Variants in CDC42EP4 observed in about 807,000 individuals in gnomAD.
CDC42EP4 encodes the protein CDC42 effector protein (Rho GTPase binding) 4.
Under a neutral mutation model 5.6 loss-of-function variants are expected in CDC42EP4, and 6 were observed. The ratio of observed to expected loss-of-function variants is 1.07; its 90% CI spans 0.59 to 2.12. The LOEUF is 2.12. Among genes scored for constraint, CDC42EP4 ranks in the 30% most tolerant of loss-of-function variants. CDC42EP4 has a pLI of 0.00. For missense variants in CDC42EP4, 490 were observed against 508.6 expected (o/e 0.96, Z 0.35); for synonymous variants, 230 against 224.2 (o/e 1.03, Z -0.23).
At position 73,290,819 on chromosome 17, in the gene CDC42EP4, TGTCAG is replaced by T. The variant is rs2145310638; in HGVS notation, c.-112-4212_-112-4208del. On this transcript the variant is annotated intron_variant, in intron 1 of 1. Coordinates refer to ENST00000335793, the MANE Select transcript of CDC42EP4 (RefSeq NM_012121.5). ...AGGAACCCCCAGACCCTGTGAGTGA[TGTCAG>T]GTCCTGTGGTTTCCCGATCTTATAC... Among the ~76,000 whole-genome samples the T allele has an allele frequency of 2.6e-5, 4 of 152,238 alleles. No individual in the cohort carries two copies. The East Asian group carries it at 7.7e-4, about 29-fold the overall frequency.
intron 1 of CDC42EP4, among the ~76,000 whole-genome samples, chr17:73,296,015 A>G (rs2062182683): frequency 6.6e-6 from 1 of 151,970 alleles, no homozygotes. Flanking sequence ...ACCTCCTAGA[A>G]CTTAACCCTG....
At chr17:73,292,612 G>A (rs2062166753) in intron 1 of CDC42EP4, among the ~76,000 whole-genome samples, 1 of 152,198 alleles carries the variant, frequency 6.6e-6, no homozygotes, top group African/African-American at 2.4e-5. Context: ...TGGGAGTCAG[G>A]GGGTCTGGGG....
At chr17:73,289,223 C>T (rs1160904386) in intron 1 of CDC42EP4, among the ~76,000 whole-genome samples, 1 of 152,122 alleles carries the variant, frequency 6.6e-6, no homozygotes, top group Non-Finnish European at 1.5e-5. Context: ...GTTGGCCGGG[C>T]ACAGTGGGTC....
At chr17:73,310,783 ACACACACACACG>A (rs2062270119) in intron 1 of CDC42EP4, 1 of 133,638 alleles carries the variant, frequency 7.5e-6, no homozygotes, top group Non-Finnish European at 1.6e-5. Context: ...ACACACACAC[ACACACACACACG>A]CACTTCAGTC....
At chr17:73,309,221 G>C (rs369692681) in intron 1 of CDC42EP4, among the ~76,000 whole-genome samples, 1 of 151,726 alleles carries the variant, frequency 6.6e-6, no homozygotes, top group Non-Finnish European at 1.5e-5. Flanking sequence ...GGTGGTGGGC[G>C]CCAGTAGTCC....
Position 73,285,462 on chromosome 17 carries a change from C to T in CDC42EP4, c.1039G>A (p.Asp347Asn). The change falls in exon 2 of 2, where the codon GAT (aspartate) becomes AAT (asparagine). Residue 347 changes from aspartate (D) to asparagine (N), a missense_variant. Asp to Asn is a conservative substitution (Grantham distance 23). Transcript: ENST00000335793. This position sits in a 1 kb window ranked among gnomAD's most constrained non-coding sequence, Gnocchi z 6.8. ...CGGATTTCATCCTCCTCCTCCTCAT[C>T]CATGAAGGAGAACTCCTTGTCTGGC... is the stretch of plus-strand genomic sequence containing the variant. ...RQPDKEFSFM[D>N]EEEEDEIRV 1.3e-6 allele frequency: 2 copies of T among 1,571,450 alleles called. No homozygotes were observed. Among genetic ancestry groups the T allele is most frequent in the Non-Finnish European group, 1.7e-6 (2 of 1,153,604 alleles).
intron 1 of CDC42EP4, among the ~76,000 whole-genome samples, chr17:73,288,859 C>T (rs2062146752): frequency 6.6e-6 from 1 of 152,226 alleles, no homozygotes; most frequent in Non-Finnish European, 1.5e-5. Flanking sequence ...TTCCAGCAAA[C>T]ACAAAGTTCT....
chr17:73,299,721 A>G (rs1270647635), intron 1 of CDC42EP4, among the ~76,000 whole-genome samples: 1 of 152,074 alleles, frequency 6.6e-6, no homozygotes, highest in Non-Finnish European at 1.5e-5. Flanking sequence ...GCAGCTGAGG[A>G]TGTACATGTG....
intron 1 of CDC42EP4, among the ~76,000 whole-genome samples, chr17:73,308,367 C>T (rs71380169): frequency 0.15 from 23,409 of 152,170 alleles, 1,907 homozygotes; most frequent in Non-Finnish European, 0.18. Context: ...CTTCTCCCTC[C>T]GCCCACAGGC....
chr17:73,296,849 G>C (rs1011845724), intron 1 of CDC42EP4, among the ~76,000 whole-genome samples: 4 of 149,072 alleles, frequency 2.7e-5, no homozygotes, highest in Admixed American at 6.7e-5. Context: ...GGCGCGGTGA[G>C]GGGGGCCTGT....
Position 73,283,899 on chromosome 17 carries a change from C to T in CDC42EP4, c.*1531G>A, listed in dbSNP as rs1339296721. On this transcript the variant is annotated 3_prime_UTR_variant, in exon 2 of 2. Coordinates refer to ENST00000335793, the MANE Select transcript of CDC42EP4 (RefSeq NM_012121.5). ...CCGGGCCACAGTCGCCATGGGGACG[C>T]CCCTGGCTGTGGTTGGTTCTGTGTC... 1.3e-5 allele frequency: 2 copies of T among 152,268 alleles called. No individual in the cohort carries two copies. The highest frequency in any genetic ancestry group is 2.9e-5 in the Non-Finnish European group (2 of 68,152). The allele number at this position is 152,268 out of a possible 1,614,324, so 9.4% of individuals were successfully genotyped here.
intron 1 of CDC42EP4, among the ~76,000 whole-genome samples, chr17:73,306,206 C>T (rs1451320506): frequency 1.3e-5 from 2 of 151,960 alleles, no homozygotes; most frequent in African/African-American, 4.8e-5. Context: ...AAATAATGCA[C>T]AGGCCAGGCA....
intron 1 of CDC42EP4, among the ~76,000 whole-genome samples, chr17:73,297,015 C>T (rs1196281251): frequency 9.6e-6 from 1 of 104,480 alleles, no homozygotes; most frequent in African/African-American, 3.4e-5. Flanking sequence ...TACACAAGGC[C>T]AAGCGCCGTG....
chr17:73,299,394 C>T (rs78296301), intron 1 of CDC42EP4, among the ~76,000 whole-genome samples: 86,814 of 147,554 alleles, frequency 0.59, 25,831 homozygotes, highest in East Asian at 0.75. Context: ...CATGCCACTG[C>T]ACTCCAGCCT....
intron 1 of CDC42EP4, among the ~76,000 whole-genome samples, chr17:73,297,840 G>T (rs2062196636): frequency 1.3e-5 from 2 of 151,720 alleles, no homozygotes; most frequent in South Asian, 4.2e-4. Context: ...TATATTTTCA[G>T]TAAAGACGGG....
At chr17:73,288,238 C>T (rs933035498) in intron 1 of CDC42EP4, among the ~76,000 whole-genome samples, 11 of 152,068 alleles carry the variant, frequency 7.2e-5, no homozygotes, top group Non-Finnish European at 7.4e-5. Context: ...CTTCCCACTG[C>T]AGTACAAACT....
intron 1 of CDC42EP4, among the ~76,000 whole-genome samples, chr17:73,305,139 C>G (rs927015395): frequency 2.6e-5 from 4 of 152,190 alleles, no homozygotes; most frequent in Admixed American, 6.5e-5. Flanking sequence ...ACGGAGGAGT[C>G]AAGACGAAGA....
rs2062116823 is a variant in CDC42EP4, at chr17:73,284,139, C to T, written c.*1291G>A. On this transcript the variant is annotated 3_prime_UTR_variant, in exon 2 of 2. Coordinates refer to ENST00000335793, the MANE Select transcript of CDC42EP4 (RefSeq NM_012121.5). Reference sequence around the variant, plus strand: ...AAATATTGCGTGGGGCATATTAATGCTAGAAAATTATCTTTTGTTTACCTG... The same window carrying T: ...AAATATTGCGTGGGGCATATTAATGTTAGAAAATTATCTTTTGTTTACCTG... 6.6e-6 allele frequency: 1 copy of T among 152,144 alleles called. No individual in the cohort carries two copies. Among genetic ancestry groups the T allele is most frequent in the Non-Finnish European group, 1.5e-5 (1 of 68,032 alleles). The allele number at this position is 152,144 out of a possible 1,614,324, so 9.4% of individuals were successfully genotyped here. A position where few individuals can be genotyped will look rare whatever the true frequency, so the allele number is the denominator to read the frequency against.
intron 1 of CDC42EP4, among the ~76,000 whole-genome samples, chr17:73,300,160 T>C (rs923302040): frequency 6.6e-6 from 1 of 152,168 alleles, no homozygotes; most frequent in African/African-American, 2.4e-5. Flanking sequence ...GCCAGGATCA[T>C]TGATGCAAAG....
Sources: gnomAD v4.1 joint callset for allele counts (sites outside exome capture counted in the v4.1 genomes callset) on GRCh38, gnomAD v4.1.1 for gene constraint, Gnocchi (gnomAD v3.1) non-coding constraint, MANE v1.5 for transcripts, NCBI Gene and HGNC (gene_info 2026-07-23, HGNC 2026-07-21) for gene names.